Variants in ADGRG6 observed in about 807,000 individuals in gnomAD.
The protein encoded by ADGRG6 is adhesion G protein-coupled receptor G6.
Under a neutral mutation model 142.4 loss-of-function variants are expected in ADGRG6, and 84 were observed. That is an observed-to-expected ratio of 0.59 (90% CI 0.49 to 0.71). ADGRG6 has a LOEUF of 0.71. Ranked by LOEUF, ADGRG6 falls within the 30% of genes least tolerant of loss-of-function variation. The probability of loss-of-function intolerance (pLI) is 0.00; values close to 1 mark genes in which losing one functional copy is unlikely to be tolerated. For synonymous variants in ADGRG6, 521 were observed against 520.5 expected (o/e 1.00, Z -0.01); for missense variants, 1,367 against 1,466.6 (o/e 0.93, Z 1.11).
At chr6:142,388,071 TTAA>T (rs1439480839) in intron 6 of ADGRG6, among the ~76,000 whole-genome samples, 1 of 152,182 alleles carries the variant, frequency 6.6e-6, no homozygotes, top group Non-Finnish European at 1.5e-5. Flanking sequence ...TAAGTGTGTC[TTAA>T]TTATGCATTT....
Position 142,403,886 on chromosome 6 carries a change from T to C in ADGRG6, c.2040T>C (p.Ala680=), listed in dbSNP as rs1775663824. The stretch of plus-strand genomic sequence containing the variant: ...TGAATATTACAACTCGGAACTTGGC[T>C]CTCAGCGTATCATCCCTGTTACCAG... ...SHVNITTRNL[A]LSVSSLLPGT... The change falls in exon 14 of 25, where the codon GCT becomes GCC. Residue 680 remains alanine, a synonymous_variant. Coordinates refer to ENST00000367609, the MANE Select transcript of ADGRG6 (RefSeq NM_198569.3). 1.2e-6 allele frequency: 2 copies of C among 1,608,684 alleles called. No individual in the cohort carries two copies. The highest frequency in any genetic ancestry group is 4.5e-5 in the East Asian group (2 of 44,840).
chr6:142,439,576 T>TG (rs1440886426), intron 24 of ADGRG6, among the ~76,000 whole-genome samples: 1 of 152,280 alleles, frequency 6.6e-6, no homozygotes, highest in Non-Finnish European at 1.5e-5. Flanking sequence ...TTCATGATAG[T>TG]GCTATGGAAA....
intron 2 of ADGRG6, among the ~76,000 whole-genome samples, chr6:142,351,840 T>A (rs202014675): frequency 6.6e-6 from 1 of 152,100 alleles, no homozygotes; most frequent in East Asian, 1.9e-4. Context: ...TTGAACGGAT[T>A]GGCAAGCAAA....
Position 142,405,821 on chromosome 6 carries a change from T to A in ADGRG6, c.2261T>A (p.Leu754His). Residue 754 changes from leucine (L) to histidine (H), a missense_variant, in exon 15 of 25, where the codon CTT (leucine) becomes CAT (histidine). Around this residue, in one of 3 missense-constraint regions of ADGRG6, gnomAD observed 286 missense variants for 371.4 expected, o/e 0.77. Coordinates refer to ENST00000367609, the MANE Select transcript of ADGRG6 (RefSeq NM_198569.3). ...AQFTFFNKTG[L>H]FQDVGPQRKT... ...TTTACTTTCTTCAACAAAACTGGAC[T>A]TTTCCAGGTAAGCACATTCATTAAA... is the stretch of plus-strand genomic sequence containing the variant. 1.3e-6 allele frequency: 2 copies of A among 1,594,748 alleles called. No individual in the cohort carries two copies. Among genetic ancestry groups the A allele is most frequent in the Non-Finnish European group, 1.7e-6 (2 of 1,171,572 alleles).
intron 17 of ADGRG6, 98 bp from the exon 18 acceptor site, chr6:142,411,207 A>G: frequency 1.4e-6 from 1 of 721,428 alleles, no homozygotes; most frequent in Non-Finnish European, 2.6e-6. Flanking sequence ...TCTGTATGGC[A>G]GAAGAGACTG....
rs542517204 is a variant in ADGRG6, at chr6:142,390,353, C to G, written c.1308+10C>G. On this transcript the variant is annotated intron_variant, in intron 7 of 24. Coordinates refer to ENST00000367609, the MANE Select transcript of ADGRG6 (RefSeq NM_198569.3). ...CAAGGTGGCAGAATGGGTAAGTGAG[C>G]TTGTAACTTTTCTTTTTTAAAAAAA... The G allele has an allele frequency of 4.6e-6, 7 of 1,520,074 alleles. No individual in the cohort carries two copies. The highest frequency in any genetic ancestry group is 6.3e-6 in the Non-Finnish European group (7 of 1,109,762). The allele number at this position is 1,520,074 out of a possible 1,614,324, so 94.2% of individuals were successfully genotyped here. A position where few individuals can be genotyped will look rare whatever the true frequency, so the allele number is the denominator to read the frequency against.
At chr6:142,432,517 G>A (rs944810785) in intron 22 of ADGRG6, among the ~76,000 whole-genome samples, 3 of 151,962 alleles carry the variant, frequency 2.0e-5, no homozygotes, top group Admixed American at 2.0e-4. Context: ...TTGTTCCATA[G>A]CGTCACAATT....
chr6:142,431,836 T>C (rs2115165618), intron 22 of ADGRG6, among the ~76,000 whole-genome samples: 1 of 152,188 alleles, frequency 6.6e-6, no homozygotes, highest in African/African-American at 2.4e-5. Context: ...GGCAGGAGAA[T>C]TGCTTGAACC....
chr6:142,321,651 T>C (rs1403897914), intron 2 of ADGRG6, among the ~76,000 whole-genome samples: 3 of 152,096 alleles, frequency 2.0e-5, no homozygotes, highest in African/African-American at 4.8e-5. Flanking sequence ...ACAGCTAAGC[T>C]ATAATGATAA....
chr6:142,346,082 G>A (rs960388427), intron 2 of ADGRG6, among the ~76,000 whole-genome samples: 6 of 152,116 alleles, frequency 3.9e-5, no homozygotes, highest in Admixed American at 2.6e-4. Flanking sequence ...ATAGTGGGCT[G>A]CCTTTAGGAA....
intron 9 of ADGRG6, among the ~76,000 whole-genome samples, chr6:142,394,381 C>T (rs921970535): frequency 6.6e-6 from 1 of 152,080 alleles, no homozygotes; most frequent in Admixed American, 6.6e-5. Flanking sequence ...TTTCTGAAGT[C>T]TCCCTTTTAA....
At chr6:142,303,687 C>T (rs1777340723) in intron 1 of ADGRG6, among the ~76,000 whole-genome samples, 1 of 152,064 alleles carries the variant, frequency 6.6e-6, no homozygotes. Flanking sequence ...TTCAGTTTTT[C>T]TTGAAAATAT....
intron 9 of ADGRG6, among the ~76,000 whole-genome samples, chr6:142,397,139 T>C (rs1421440531): frequency 1.3e-5 from 2 of 152,106 alleles, no homozygotes; most frequent in Non-Finnish European, 2.9e-5. Context: ...CATTCATGAA[T>C]AGTAACACTT....
Position 142,369,242 on chromosome 6 carries a change from A to C in ADGRG6, c.446-928A>C, listed in dbSNP as rs74514802. 2.6e-4 allele frequency among the ~76,000 whole-genome samples: 40 copies of C among 152,320 alleles called. No individual in the cohort carries two copies. The East Asian group carries it at 7.5e-3, about 29-fold the overall frequency. On this transcript the variant is annotated intron_variant, in intron 3 of 24. Coordinates refer to ENST00000367609, the MANE Select transcript of ADGRG6 (RefSeq NM_198569.3). Reference sequence around the variant, plus strand: ...AGCATAGGGCTAAATCTGTTGTATTATGTAATAATTTTGCATGTATCATGG... The same window carrying C: ...AGCATAGGGCTAAATCTGTTGTATTCTGTAATAATTTTGCATGTATCATGG...
chr6:142,442,531 C>T lies in ADGRG6; in HGVS notation c.3575-806C>T, dbSNP rs116191163. ...GAAAATTTTAGAAAAAATTATTTAGCAGTCCTTTATTACTATCAGTTGCTA... is the reference window on the plus strand; with the variant it reads ...GAAAATTTTAGAAAAAATTATTTAGTAGTCCTTTATTACTATCAGTTGCTA... On this transcript the variant is annotated intron_variant, in intron 24 of 24. Coordinates refer to ENST00000367609, the MANE Select transcript of ADGRG6 (RefSeq NM_198569.3). Among the ~76,000 whole-genome samples, 1,429 of 152,028 alleles carry T rather than the reference C, an allele frequency of 9.4e-3. 18 individuals are homozygous for T. The highest frequency in any genetic ancestry group is 0.033 in the African/African-American group (1,363 of 41,502).
intron 2 of ADGRG6, among the ~76,000 whole-genome samples, chr6:142,310,621 A>C (rs1434815521): frequency 4.0e-5 from 6 of 151,850 alleles, no homozygotes; most frequent in Admixed American, 3.9e-4. Flanking sequence ...TTAAACTTGT[A>C]TTGAGATGTG....
intron 20 of ADGRG6, among the ~76,000 whole-genome samples, chr6:142,416,772 T>C (rs1162922634): frequency 6.6e-6 from 1 of 152,164 alleles, no homozygotes; most frequent in Non-Finnish European, 1.5e-5. Context: ...CCCACTGAAA[T>C]ATACATGGAA....
rs1168988366 is a variant in ADGRG6 at position 142,317,635 on chromosome 6, G to A, written c.103+7991G>A. 2.1e-5 allele frequency among the ~76,000 whole-genome samples: 3 copies of A among 141,352 alleles called. 1 individual carries two copies. Among genetic ancestry groups the A allele is most frequent in the African/African-American group, 8.0e-5 (3 of 37,632 alleles). 92.7% of individuals were successfully genotyped at this position (141,352 alleles called of 152,430 possible). ...TTGTAATATTATAAATGAGCGGTGTGTGTGTATTTGGGTGTATATTATATA... is the reference window on the plus strand; with the variant it reads ...TTGTAATATTATAAATGAGCGGTGTATGTGTATTTGGGTGTATATTATATA... On this transcript the variant is annotated intron_variant, in intron 2 of 24. Coordinates refer to ENST00000367609, the MANE Select transcript of ADGRG6 (RefSeq NM_198569.3).
At chr6:142,320,421 T>G (rs1372462477) in intron 2 of ADGRG6, among the ~76,000 whole-genome samples, 1 of 152,026 alleles carries the variant, frequency 6.6e-6, no homozygotes, top group Non-Finnish European at 1.5e-5. Flanking sequence ...GGAGTGAAAA[T>G]AATTGCTTTT....
Sources: gnomAD v4.1 joint callset for allele counts (sites outside exome capture counted in the v4.1 genomes callset) on GRCh38, gnomAD v4.1.1 for gene constraint, gnomAD v4.1.1 regional missense constraint, MANE v1.5 for transcripts, NCBI Gene and HGNC (gene_info 2026-07-23, HGNC 2026-07-21) for gene names.